The following UBE2QL1 variants were observed in gnomAD, a reference collection of about 807,000 sequenced individuals.
UBE2QL1 encodes ubiquitin-conjugating enzyme E2Q-like protein 1.
Under a neutral mutation model 12.6 loss-of-function variants are expected in UBE2QL1, and 5 were observed. The observed-to-expected ratio is 0.40, with a 90% CI of 0.21 to 0.83. UBE2QL1 has a LOEUF of 0.83. Among genes scored for constraint, UBE2QL1 ranks in the 40% least tolerant of loss-of-function variants. The pLI is 0.37. For missense variants in UBE2QL1, 99 were observed against 222.6 expected (o/e 0.44, Z 3.53); for synonymous variants, 96 against 94.5 (o/e 1.02, Z -0.10).
intron 1 of UBE2QL1, among the ~76,000 whole-genome samples, chr5:6,465,637 C>T (rs558637362): frequency 3.3e-5 from 5 of 152,264 alleles, no homozygotes; most frequent in South Asian, 4.1e-4. Context: ...TGGGATGCTT[C>T]GGGTGCCCCT....
At chr5:6,452,532 T>C (rs1435392236) in intron 1 of UBE2QL1, among the ~76,000 whole-genome samples, 1 of 152,218 alleles carries the variant, frequency 6.6e-6, no homozygotes, top group African/African-American at 2.4e-5. Context: ...AGTATACTTT[T>C]AGATAATTAT....
rs1037816712 is a variant in UBE2QL1 at position 6,494,089 on chromosome 5, G to A, written c.*2740G>A. On this transcript the variant is annotated 3_prime_UTR_variant, in exon 2 of 2. Transcript: ENST00000399816. ...CTCAAACCAAGCCAGAGCCCACAGA[G>A]CCAAACAAACAGAAAATCACAAACC... The A allele has an allele frequency of 1.3e-5, 2 of 152,182 alleles. No homozygotes were observed. Among genetic ancestry groups the A allele is most frequent in the Non-Finnish European group, 2.9e-5 (2 of 68,042 alleles). 9.4% of individuals were successfully genotyped at this position (152,182 alleles called of 1,614,324 possible).
intron 1 of UBE2QL1, among the ~76,000 whole-genome samples, chr5:6,453,190 C>T (rs973963465): frequency 4.6e-5 from 7 of 152,100 alleles, no homozygotes; most frequent in Non-Finnish European, 4.4e-5. Flanking sequence ...TTTTGATGGT[C>T]GTTGTACAGG....
At chr5:6,485,595 G>A (rs769989395) in intron 1 of UBE2QL1, among the ~76,000 whole-genome samples, 2 of 152,176 alleles carry the variant, frequency 1.3e-5, no homozygotes, top group Non-Finnish European at 2.9e-5. Flanking sequence ...TTAAGGTTAC[G>A]AGTGCTTTTA....
intron 1 of UBE2QL1, among the ~76,000 whole-genome samples, chr5:6,453,166 C>T (rs1414988072): frequency 6.6e-6 from 1 of 152,188 alleles, no homozygotes; most frequent in African/African-American, 2.4e-5. Context: ...GTTTGAATCT[C>T]CCTGGTTCTG....
chr5:6,469,510 A>G (rs1244044658), intron 1 of UBE2QL1, among the ~76,000 whole-genome samples: 1 of 147,822 alleles, frequency 6.8e-6, no homozygotes, highest in Admixed American at 6.8e-5. Flanking sequence ...TTTTTTATAT[A>G]TATGTAATTA....
chr5:6,452,966 G>A (rs1332315934), intron 1 of UBE2QL1, among the ~76,000 whole-genome samples: 1 of 152,200 alleles, frequency 6.6e-6, no homozygotes, highest in Non-Finnish European at 1.5e-5. Context: ...GGCATCGCCA[G>A]GGGCAGGGAA....
intron 1 of UBE2QL1, among the ~76,000 whole-genome samples, chr5:6,454,056 A>G (rs1399895187): frequency 6.6e-6 from 1 of 151,992 alleles, no homozygotes; most frequent in Non-Finnish European, 1.5e-5. Context: ...AATTTTGTTT[A>G]TTTTTTGTAG....
At chr5:6,460,889 C>A (rs1739644112) in intron 1 of UBE2QL1, among the ~76,000 whole-genome samples, 1 of 152,190 alleles carries the variant, frequency 6.6e-6, no homozygotes, top group African/African-American at 2.4e-5. Context: ...TTGAAAACTT[C>A]TTGGCTACCA....
At position 6,476,261 on chromosome 5, in the gene UBE2QL1, C is replaced by T. The variant is rs1734228984; in HGVS notation, c.355-14957C>T. On this transcript the variant is annotated intron_variant, in intron 1 of 1. Transcript: ENST00000399816. This position sits in a 1 kb window ranked among gnomAD's most constrained non-coding sequence, Gnocchi z 4.9. ...CTGCAGAGCCTGCACCTCAGCAGCA[C>T]CTCAGGAGCAGCCAAGGCATAAAGC... Among the ~76,000 whole-genome samples the T allele has an allele frequency of 6.6e-6, 1 of 152,196 alleles. No homozygotes were observed. Among genetic ancestry groups the T allele is most frequent in the East Asian group, 1.9e-4 (1 of 5,182 alleles).
rs768071851 is a variant in UBE2QL1, at chr5:6,448,961, G to A, written c.68G>A (p.Ser23Asn). The change falls in exon 1 of 2, where the codon AGC (serine) becomes AAC (asparagine). Residue 23 changes from serine to asparagine, a missense_variant. Ser to Asn is a conservative substitution (Grantham distance 46). Coordinates refer to ENST00000399816, the MANE Select transcript of UBE2QL1 (RefSeq NM_001145161.3). ...ATCTCCGTGGAGCTGGTGGACGAGA[G>A]CCTGTTCGACTGGAACGTGAAGCTG... The part of the protein sequence containing the change: ...RFISVELVDE[S>N]LFDWNVKLHQ... 1.1e-5 allele frequency: 17 copies of A among 1,548,994 alleles called. No homozygotes were observed. In the African/African-American group the frequency reaches 1.9e-4, roughly 17 times the overall value.
At chr5:6,467,311 G>A (rs1011649265) in intron 1 of UBE2QL1, among the ~76,000 whole-genome samples, 12 of 152,012 alleles carry the variant, frequency 7.9e-5, no homozygotes, top group African/African-American at 2.2e-4. Context: ...GGGCTTCAAC[G>A]ACAGAAATGC....
chr5:6,449,118 C>T lies in UBE2QL1; in HGVS notation c.225C>T (p.Arg75=). 1 of 1,547,352 alleles carries T rather than the reference C, an allele frequency of 6.5e-7. No individual in the cohort carries two copies. Among genetic ancestry groups the T allele is most frequent in the Non-Finnish European group, 8.7e-7 (1 of 1,145,186 alleles). ...SPPFMRVLSP[R]LENGYVLDGG... is the part of the protein sequence containing the mutation. ...CCTTCATGCGGGTGCTCAGCCCGCG[C>T]CTGGAGAACGGCTACGTGCTGGACG... The change falls in exon 1 of 2, where the codon CGC becomes CGT. Residue 75 remains arginine (R), a synonymous_variant. Coordinates refer to ENST00000399816, the MANE Select transcript of UBE2QL1 (RefSeq NM_001145161.3).
In UBE2QL1 at chr5:6,478,132, A is replaced by T. The variant is rs1431861936; in HGVS notation, c.355-13086A>T. On this transcript the variant is annotated intron_variant, in intron 1 of 1. Transcript: ENST00000399816. This position sits in a 1 kb window ranked among gnomAD's most constrained non-coding sequence, Gnocchi z 4.5. ...CAAAAACAGACTATTTGAGAAAGTA[A>T]CCTATCTTTTATAGAGTTTGTGCCC... Among the ~76,000 whole-genome samples, 2 of 152,192 alleles carry T rather than the reference A, an allele frequency of 1.3e-5. No individual in the cohort carries two copies. Among genetic ancestry groups the T allele is most frequent in the African/African-American group, 4.8e-5 (2 of 41,442 alleles).
chr5:6,463,147 C>T (rs1487871649), intron 1 of UBE2QL1, among the ~76,000 whole-genome samples: 1 of 152,132 alleles, frequency 6.6e-6, no homozygotes, highest in Non-Finnish European at 1.5e-5. Context: ...TTCATTGTTA[C>T]CTGCTATTCC....
At chr5:6,484,638 G>A (rs1010383207) in intron 1 of UBE2QL1, among the ~76,000 whole-genome samples, 1 of 152,104 alleles carries the variant, frequency 6.6e-6, no homozygotes, top group African/African-American at 2.4e-5. Context: ...TGGCACTTGC[G>A]GACGGTGTGG....
intron 1 of UBE2QL1, among the ~76,000 whole-genome samples, chr5:6,485,599 G>A (rs1734451256): frequency 1.3e-5 from 2 of 152,178 alleles, no homozygotes; most frequent in African/African-American, 2.4e-5. Context: ...GGTTACGAGT[G>A]CTTTTAGACT....
In UBE2QL1 at chr5:6,481,845, G is replaced by A. The variant is rs887550377; in HGVS notation, c.355-9373G>A. On this transcript the variant is annotated intron_variant, in intron 1 of 1. Coordinates refer to ENST00000399816, the MANE Select transcript of UBE2QL1 (RefSeq NM_001145161.3). This position sits in a 1 kb window ranked among gnomAD's most constrained non-coding sequence, Gnocchi z 4.5. Reference sequence around the variant, plus strand: ...ACAAGGAAAACATGGCCCAATGTGCGCCCACCTGCAGAATGGGTGCAAGTG... The same window carrying A: ...ACAAGGAAAACATGGCCCAATGTGCACCCACCTGCAGAATGGGTGCAAGTG... Among the ~76,000 whole-genome samples, 4 of 152,214 alleles carry A rather than the reference G, an allele frequency of 2.6e-5. No individual in the cohort carries two copies. The highest frequency in any genetic ancestry group is 2.1e-4 in the South Asian group (1 of 4,834).
intron 1 of UBE2QL1, among the ~76,000 whole-genome samples, chr5:6,463,646 G>A (rs1007298919): frequency 4.8e-5 from 5 of 103,244 alleles, no homozygotes; most frequent in African/African-American, 7.2e-5. Flanking sequence ...TATTATTTTT[G>A]ATGCGGAGTC....
Sources: gnomAD v4.1 joint callset for allele counts (sites outside exome capture counted in the v4.1 genomes callset) on GRCh38, gnomAD v4.1.1 for gene constraint, Gnocchi (gnomAD v3.1) non-coding constraint, MANE v1.5 for transcripts, NCBI Gene and HGNC (gene_info 2026-07-23, HGNC 2026-07-21) for gene names.